EFEMP1: variants seen among roughly 807,000 people sequenced by gnomAD.
EFEMP1 encodes EGF-containing fibulin-like extracellular matrix protein 1.
A neutral mutation model predicts 65.7 loss-of-function variants in EFEMP1; 18 were observed. The ratio of observed to expected loss-of-function variants is 0.27; its 90% CI spans 0.19 to 0.41. EFEMP1 has a LOEUF of 0.41. Ranked by LOEUF, EFEMP1 falls within the 10% of genes least tolerant of loss-of-function variation. The pLI, the probability that EFEMP1 is intolerant of heterozygous loss-of-function variation, is 1.00. For synonymous variants in EFEMP1, 237 were observed against 219.7 expected (o/e 1.08, Z -0.70); for missense variants, 469 against 624.8 (o/e 0.75, Z 2.66).
At chr2:55,915,136 A>G (rs1227137179) in intron 5 of EFEMP1, among the ~76,000 whole-genome samples, 9 of 152,224 alleles carry the variant, frequency 5.9e-5, no homozygotes, top group African/African-American at 2.4e-5. Flanking sequence ...ACTTTGCAAA[A>G]TTGTGAGGTG....
At chr2:55,903,830 G>C (rs981356485) in intron 5 of EFEMP1, among the ~76,000 whole-genome samples, 2 of 151,838 alleles carry the variant, frequency 1.3e-5, no homozygotes, top group Admixed American at 1.3e-4. Context: ...TGGACAGTTG[G>C]TAATTACAAT....
At chr2:55,881,382 T>G (rs1669233232) in intron 6 of EFEMP1, among the ~76,000 whole-genome samples, 1 of 152,202 alleles carries the variant, frequency 6.6e-6, no homozygotes, top group African/African-American at 2.4e-5. Flanking sequence ...TACCCCAAAT[T>G]TCTGCTCTTG....
Position 55,865,996 on chromosome 2 carries a change from T to C in EFEMP1, c.*1077A>G, listed in dbSNP as rs568443337. ...CTTCTAAAGGAATATTTATTTTTAT[T>C]TAAAAATATGATACATCAAAGTAAA... On this transcript the variant is annotated 3_prime_UTR_variant, in exon 12 of 12. Transcript: ENST00000355426. The C allele has an allele frequency of 2.0e-5, 3 of 152,262 alleles. No homozygotes were observed. Among genetic ancestry groups the C allele is most frequent in the African/African-American group, 7.2e-5 (3 of 41,568 alleles). 9.4% of individuals were successfully genotyped at this position (152,262 alleles called of 1,614,324 possible).
chr2:55,915,571 TA>T (rs1670646593), intron 5 of EFEMP1, among the ~76,000 whole-genome samples: 1 of 152,174 alleles, frequency 6.6e-6, no homozygotes, highest in Non-Finnish European at 1.5e-5. Flanking sequence ...AATTCAACCA[TA>T]AATGTCAATG....
At chr2:55,906,559 CT>C (rs539508670) in intron 5 of EFEMP1, among the ~76,000 whole-genome samples, 4 of 148,182 alleles carry the variant, frequency 2.7e-5, no homozygotes, top group African/African-American at 7.4e-5. Flanking sequence ...TATGGGAGGA[CT>C]TTTTTTTCTG....
intron 8 of EFEMP1, 61 bp downstream of exon 8, chr2:55,876,562 A>G: frequency 1.3e-6 from 2 of 1,597,860 alleles, no homozygotes; most frequent in Non-Finnish European, 1.7e-6. Context: ...ACATAATCAG[A>G]TAAAACAACA....
At chr2:55,904,200 G>A (rs1472561388) in intron 5 of EFEMP1, among the ~76,000 whole-genome samples, 1 of 152,150 alleles carries the variant, frequency 6.6e-6, no homozygotes, top group Non-Finnish European at 1.5e-5. Flanking sequence ...TAGAGGGTGA[G>A]TGTCACTGAA....
rs567975555 is a variant in EFEMP1, at chr2:55,898,502, A to G, written c.518-16768T>C. On this transcript the variant is annotated intron_variant, in intron 5 of 11. Coordinates refer to ENST00000355426, the MANE Select transcript of EFEMP1 (RefSeq NM_001039348.3). ...TGTACAGTACTTGAAAGTTAATGCA[A>G]TTCTTTCTTTAAAAACTCACTCCCT... Among the ~76,000 whole-genome samples the G allele has an allele frequency of 2.0e-5, 3 of 152,234 alleles. No homozygotes were observed. The South Asian group carries it at 6.2e-4, about 32-fold the overall frequency.
chr2:55,876,777 T>G (rs1178679072), intron 7 of EFEMP1, 35 bp from the exon 8 acceptor site: 1 of 1,265,662 alleles, frequency 7.9e-7, no homozygotes, highest in Non-Finnish European at 1.1e-6. Flanking sequence ...TATATGTATA[T>G]GTATATATAT....
chr2:55,881,540 A>G (rs1669239901), intron 6 of EFEMP1, 72 bp downstream of exon 6: 6 of 1,594,044 alleles, frequency 3.8e-6, no homozygotes, highest in Non-Finnish European at 5.1e-6. Flanking sequence ...GAATGCTTTG[A>G]TTGGAATGCT....
At chr2:55,899,745 C>A (rs989113405) in intron 5 of EFEMP1, among the ~76,000 whole-genome samples, 2 of 152,168 alleles carry the variant, frequency 1.3e-5, no homozygotes, top group Non-Finnish European at 2.9e-5. Context: ...TTCCCTTCTA[C>A]CCAAGTAGTG....
intron 5 of EFEMP1, among the ~76,000 whole-genome samples, chr2:55,903,263 T>C (rs1470453984): frequency 2.0e-5 from 3 of 152,236 alleles, no homozygotes; most frequent in Non-Finnish European, 4.4e-5. Flanking sequence ...TTTATAGCTA[T>C]AGCTGTTACA....
rs1668647882 is a variant in EFEMP1 at position 55,867,975 on chromosome 2, G to C, written c.1321-741C>G. 6.6e-6 allele frequency among the ~76,000 whole-genome samples: 1 copy of C among 152,112 alleles called. No individual in the cohort carries two copies. The highest frequency in any genetic ancestry group is 2.1e-4 in the South Asian group (1 of 4,824). On this transcript the variant is annotated intron_variant, in intron 11 of 11. Coordinates refer to ENST00000355426, the MANE Select transcript of EFEMP1 (RefSeq NM_001039348.3). The surrounding 1 kb of genome is among the most constrained non-coding windows in gnomAD (Gnocchi z 4.3). ...GGATAGAGTCATGGATTAGTATTTA[G>C]CAGTCACCTCAATGGGTGGACATTA...
At chr2:55,876,867 C>T in intron 7 of EFEMP1, 125 bp from the exon 8 acceptor site, 1 of 459,472 alleles carries the variant, frequency 2.2e-6, no homozygotes, top group Non-Finnish European at 3.3e-6. Context: ...TGAGTAATTC[C>T]CTAGCTGAAT....
intron 3 of EFEMP1, among the ~76,000 whole-genome samples, chr2:55,920,993 G>GT: frequency 6.6e-6 from 1 of 152,186 alleles, no homozygotes; most frequent in Admixed American, 6.5e-5. Flanking sequence ...AAACTATCAT[G>GT]TTTAAGCCAC....
chr2:55,902,738 C>A (rs914447696), intron 5 of EFEMP1, among the ~76,000 whole-genome samples: 1 of 152,180 alleles, frequency 6.6e-6, no homozygotes. Context: ...GCTTCTGAGT[C>A]ATTAATTCTA....
chr2:55,906,107 A>G (rs1015202799), intron 5 of EFEMP1, among the ~76,000 whole-genome samples: 1 of 152,124 alleles, frequency 6.6e-6, no homozygotes, highest in African/African-American at 2.4e-5. Context: ...ACGACAATTA[A>G]ATTTCCTTCT....
At chr2:55,869,472 A>G (rs1455320131) in intron 11 of EFEMP1, among the ~76,000 whole-genome samples, 1 of 152,148 alleles carries the variant, frequency 6.6e-6, no homozygotes, top group Non-Finnish European at 1.5e-5. Context: ...TAATTGTAAT[A>G]GATTGCATTT....
chr2:55,872,415 G>A (rs983037746), intron 9 of EFEMP1, among the ~76,000 whole-genome samples: 1 of 152,094 alleles, frequency 6.6e-6, no homozygotes, highest in African/African-American at 2.4e-5. Context: ...TTGAGGGCAA[G>A]GGTTATTGTA....
Sources: gnomAD v4.1 joint callset for allele counts (sites outside exome capture counted in the v4.1 genomes callset) on GRCh38, gnomAD v4.1.1 for gene constraint, Gnocchi (gnomAD v3.1) non-coding constraint, MANE v1.5 for transcripts, NCBI Gene and HGNC (gene_info 2026-07-23, HGNC 2026-07-21) for gene names.